TEX36: variants seen among roughly 807,000 people sequenced by gnomAD.
The protein encoded by TEX36 is testis expressed 36, also known as testis-expressed protein 36.
Under a neutral mutation model 13.6 loss-of-function variants are expected in TEX36, and 12 were observed. That is an observed-to-expected ratio of 0.88 (90% confidence interval 0.56 to 1.43). The LOEUF (loss-of-function observed/expected upper bound fraction) is 1.43. Ranked by LOEUF, TEX36 falls within the 40% of genes most tolerant of loss-of-function variation. The probability of loss-of-function intolerance (pLI) is 0.00; values close to 1 mark genes in which losing one functional copy is unlikely to be tolerated. For synonymous variants in TEX36, 93 were observed against 83.0 expected, an observed-to-expected ratio of 1.12 and a Z score of -0.65; for missense variants, 224 against 228.3, an observed-to-expected ratio of 0.98 and a Z score of 0.12.
At chr10:125,618,318 C>T (rs897438983), downstream of TEX36, among the ~76,000 whole-genome samples, 1 of 151,930 alleles carries the variant, frequency 6.6e-6, no homozygotes, top group African/African-American at 2.4e-5. Flanking sequence ...AGCTTTGTTC[C>T]GTTGCTGGTG....
chr10:125,653,689 C>A (rs1188878236), downstream of TEX36, among the ~76,000 whole-genome samples: 1 of 151,922 alleles, frequency 6.6e-6, no homozygotes, highest in Non-Finnish European at 1.5e-5. Context: ...AAAAGCTTAA[C>A]ATCTTAATAT....
intron 3 of TEX36, among the ~76,000 whole-genome samples, chr10:125,581,423 G>A (rs1263011930): frequency 6.6e-6 from 1 of 152,068 alleles, no homozygotes; most frequent in African/African-American, 2.4e-5. Flanking sequence ...TGCGTAACTC[G>A]CCCCTCGGGC....
intron 3 of TEX36, among the ~76,000 whole-genome samples, chr10:125,596,901 T>G (rs1417517870): frequency 6.6e-6 from 1 of 152,226 alleles, no homozygotes; most frequent in East Asian, 1.9e-4. Context: ...AAAGCAGTTG[T>G]GTAAATTTGT....
chr10:125,633,144 C>A (rs1846579224), intron 3 of TEX36, among the ~76,000 whole-genome samples: 1 of 152,054 alleles, frequency 6.6e-6, no homozygotes, highest in South Asian at 2.1e-4. Context: ...AAATTATATG[C>A]ATACTTCACT....
chr10:125,671,393 T>C (rs1344681637), intron 1 of TEX36, among the ~76,000 whole-genome samples: 1 of 152,208 alleles, frequency 6.6e-6, no homozygotes, highest in Non-Finnish European at 1.5e-5. Flanking sequence ...GATAATCATG[T>C]GGTTTTTGTC....
At chr10:125,585,923 A>C (rs1333960221) in intron 3 of TEX36, among the ~76,000 whole-genome samples, 1 of 152,210 alleles carries the variant, frequency 6.6e-6, no homozygotes, top group Non-Finnish European at 1.5e-5. Context: ...GAACCCTAGG[A>C]AGGTTTGGAA....
downstream of TEX36, among the ~76,000 whole-genome samples, chr10:125,619,722 A>T (rs534139295): frequency 1.3e-5 from 2 of 151,712 alleles, no homozygotes; most frequent in Non-Finnish European, 2.9e-5. Flanking sequence ...ATGCCCAGCT[A>T]ATTTTTGTAC....
chr10:125,658,591 G>A (rs369454487), intron 3 of TEX36, among the ~76,000 whole-genome samples: 3 of 152,102 alleles, frequency 2.0e-5, no homozygotes, highest in Non-Finnish European at 2.9e-5. Context: ...AAACAGCCAC[G>A]ACACACTTGT....
At chr10:125,678,912 C>T (rs1340368399) in intron 1 of TEX36, among the ~76,000 whole-genome samples, 1 of 152,114 alleles carries the variant, frequency 6.6e-6, no homozygotes, top group Non-Finnish European at 1.5e-5. Flanking sequence ...CACCAGCCAT[C>T]GTGAGCAGGA....
chr10:125,633,708 A>T (rs1846588520), intron 3 of TEX36, among the ~76,000 whole-genome samples: 1 of 152,186 alleles, frequency 6.6e-6, no homozygotes, highest in Non-Finnish European at 1.5e-5. Flanking sequence ...GGTGCTGCTC[A>T]CATGATGTTT....
At chr10:125,619,497 T>A (rs1846401856), downstream of TEX36, among the ~76,000 whole-genome samples, 2 of 152,114 alleles carry the variant, frequency 1.3e-5, no homozygotes, top group African/African-American at 4.8e-5. Context: ...GCCTCATCAT[T>A]TTGTGTCTCC....
intron 3 of TEX36, among the ~76,000 whole-genome samples, chr10:125,584,302 G>A (rs975904350): frequency 1.7e-4 from 26 of 152,358 alleles, no homozygotes; most frequent in African/African-American, 5.5e-4. Context: ...TTGTTTGAAC[G>A]CACTAAGTTT....
intron 3 of TEX36, among the ~76,000 whole-genome samples, chr10:125,586,698 T>C (rs1443128001): frequency 6.7e-6 from 1 of 148,956 alleles, no homozygotes; most frequent in African/African-American, 2.5e-5. Flanking sequence ...TCCCAGCTAC[T>C]CAGGAGGCTG....
At chr10:125,624,010 T>C (rs937243939) in intron 3 of TEX36, among the ~76,000 whole-genome samples, 4 of 152,222 alleles carry the variant, frequency 2.6e-5, no homozygotes, top group Admixed American at 2.6e-4. Context: ...AAGATGTTGA[T>C]AATTTTTCCC....
At chr10:125,667,711 G>C in intron 1 of TEX36, 1 of 748,778 alleles carries the variant, frequency 1.3e-6, no homozygotes, top group South Asian at 1.5e-5. Flanking sequence ...GTGTCTGGTG[G>C]AAGAGGATGA....
At chr10:125,586,810 A>G (rs1053960247) in intron 3 of TEX36, among the ~76,000 whole-genome samples, 13 of 151,838 alleles carry the variant, frequency 8.6e-5, no homozygotes, top group African/African-American at 2.9e-4. Flanking sequence ...AAGAAAAAAA[A>G]AAGATTTGCC....
chr10:125,577,283 G>A (rs1471407252), intron 3 of TEX36, among the ~76,000 whole-genome samples: 1 of 152,174 alleles, frequency 6.6e-6, no homozygotes, highest in Admixed American at 6.5e-5. Context: ...GATTGCTTGA[G>A]CCCAGGAGTT....
At chr10:125,613,284 TTTA>T (rs1309542642) in intron 3 of TEX36, among the ~76,000 whole-genome samples, 3 of 135,508 alleles carry the variant, frequency 2.2e-5, no homozygotes, top group African/African-American at 8.6e-5. Flanking sequence ...TTTATTTATT[TTTA>T]TTATTATTAT....
chr10:125,595,320 G>T (rs996022720), intron 3 of TEX36, among the ~76,000 whole-genome samples: 1 of 151,646 alleles, frequency 6.6e-6, no homozygotes, highest in Non-Finnish European at 1.5e-5. Context: ...ATTAATAAAT[G>T]AAAAGTTCCC....
Sources: gnomAD v4.1 joint callset for allele counts (sites outside exome capture counted in the v4.1 genomes callset) on GRCh38, gnomAD v4.1.1 for gene constraint, MANE v1.5 for transcripts, NCBI Gene and HGNC (gene_info 2026-07-23, HGNC 2026-07-21) for gene names.